Variants in CCSER1 observed in about 807,000 individuals in gnomAD.
CCSER1 encodes the protein coiled-coil serine rich protein 1.
A neutral mutation model predicts 82.0 loss-of-function variants in CCSER1; 41 were observed. That is an observed-to-expected ratio of 0.50 (90% confidence interval 0.39 to 0.65). CCSER1 has a LOEUF of 0.65. Ranked by LOEUF, CCSER1 falls within the 30% of genes least tolerant of loss-of-function variation. The pLI, the probability that CCSER1 is intolerant of heterozygous loss-of-function variation, is 0.00. For synonymous variants in CCSER1, 414 were observed against 383.9 expected (o/e 1.08, Z -0.92); for missense variants, 1,119 against 1,064.2 (o/e 1.05, Z -0.72).
intron 10 of CCSER1, among the ~76,000 whole-genome samples, chr4:91,144,609 TC>T (rs1343021989): frequency 6.6e-6 from 1 of 151,848 alleles, no homozygotes; most frequent in Non-Finnish European, 1.5e-5. Flanking sequence ...CTATAACCTG[TC>T]CTCTTAAAGC....
chr4:90,884,965 C>T (rs1401415405), intron 8 of CCSER1, among the ~76,000 whole-genome samples: 1 of 152,002 alleles, frequency 6.6e-6, no homozygotes, highest in East Asian at 1.9e-4. Context: ...TGATCTTTGT[C>T]CTTTAAATTC....
intron 10 of CCSER1, among the ~76,000 whole-genome samples, chr4:91,350,636 T>C (rs1462409790): frequency 6.6e-6 from 1 of 152,080 alleles, no homozygotes; most frequent in African/African-American, 2.4e-5. Flanking sequence ...TTGAATACTT[T>C]TGCAGTTTAA....
intron 6 of CCSER1, among the ~76,000 whole-genome samples, chr4:90,656,017 T>C (rs752354817): frequency 2.6e-5 from 4 of 151,980 alleles, no homozygotes; most frequent in Admixed American, 6.6e-5. Context: ...AATAATTTAA[T>C]TTCTTTCATT....
chr4:91,479,795 GGTTA>G (rs1191482931), intron 10 of CCSER1, among the ~76,000 whole-genome samples: 4 of 141,596 alleles, frequency 2.8e-5, no homozygotes, highest in African/African-American at 1.1e-4. Context: ...ACATTGTGCA[GGTTA>G]GTTACATATG....
At chr4:91,172,717 G>C (rs534508519) in intron 10 of CCSER1, among the ~76,000 whole-genome samples, 3 of 152,066 alleles carry the variant, frequency 2.0e-5, no homozygotes, top group Non-Finnish European at 4.4e-5. Context: ...TTTCATCCAG[G>C]GGTTTTCCTC....
intron 5 of CCSER1, among the ~76,000 whole-genome samples, chr4:90,587,294 C>G (rs1174147022): frequency 6.6e-6 from 1 of 152,134 alleles, no homozygotes; most frequent in East Asian, 1.9e-4. Flanking sequence ...TTGTAGAACT[C>G]TATTATAGCA....
intron 9 of CCSER1, among the ~76,000 whole-genome samples, chr4:90,928,579 G>T (rs1448758395): frequency 6.6e-6 from 1 of 152,026 alleles, no homozygotes; most frequent in Non-Finnish European, 1.5e-5. Flanking sequence ...AAAGCAATGT[G>T]AAAAATAAAA....
At chr4:90,232,399 C>G (rs1744782343) in intron 1 of CCSER1, among the ~76,000 whole-genome samples, 2 of 152,146 alleles carry the variant, frequency 1.3e-5, no homozygotes, top group Admixed American at 6.6e-5. Flanking sequence ...ATAAATGGTG[C>G]TAGGAAAACT....
At chr4:91,094,925 G>A (rs543464509) in intron 10 of CCSER1, among the ~76,000 whole-genome samples, 2 of 152,234 alleles carry the variant, frequency 1.3e-5, no homozygotes, top group Admixed American at 6.5e-5. Context: ...CCCTAAAAAG[G>A]CAAGGGGCAA....
intron 4 of CCSER1, among the ~76,000 whole-genome samples, chr4:90,425,001 C>T (rs1757328589): frequency 6.6e-6 from 1 of 152,074 alleles, no homozygotes; most frequent in African/African-American, 2.4e-5. Flanking sequence ...TTGTTTTAGT[C>T]TTTATTCAGG....
intron 8 of CCSER1, among the ~76,000 whole-genome samples, chr4:90,916,115 A>G (rs573449259): frequency 6.6e-4 from 101 of 152,312 alleles, no homozygotes; most frequent in Non-Finnish European, 1.3e-3. Flanking sequence ...ATTCAATGCC[A>G]TCCCCATCAA....
intron 3 of CCSER1, among the ~76,000 whole-genome samples, chr4:90,350,805 C>G (rs1040066306): frequency 5.3e-5 from 8 of 152,016 alleles, no homozygotes; most frequent in African/African-American, 1.9e-4. Context: ...CAACCATATT[C>G]TCTGATAAAA....
At chr4:91,385,224 T>A (rs1751208083) in intron 10 of CCSER1, among the ~76,000 whole-genome samples, 1 of 151,564 alleles carries the variant, frequency 6.6e-6, no homozygotes, top group Non-Finnish European at 1.5e-5. Context: ...TACAATGGAG[T>A]ATTAAGCATC....
chr4:91,491,019 CCATT>C (rs1758512558), intron 10 of CCSER1, among the ~76,000 whole-genome samples: 1 of 145,278 alleles, frequency 6.9e-6, no homozygotes, highest in African/African-American at 2.5e-5. Context: ...AGTGTTACAT[CCATT>C]ATCTAATTTA....
chr4:90,886,402 T>G (rs1170162545), intron 8 of CCSER1, among the ~76,000 whole-genome samples: 1 of 152,166 alleles, frequency 6.6e-6, no homozygotes, highest in Non-Finnish European at 1.5e-5. Context: ...ATTATCAGCC[T>G]AAGTGAGCTA....
chr4:91,447,088 C>T (rs1369605442), intron 10 of CCSER1, among the ~76,000 whole-genome samples: 16 of 152,004 alleles, frequency 1.1e-4, no homozygotes, highest in Non-Finnish European at 2.4e-4. Flanking sequence ...TTAGCTCTTC[C>T]TAACTTCCAT....
At chr4:90,780,408 TA>T in intron 7 of CCSER1, 1 of 1,598,568 alleles carries the variant, frequency 6.3e-7, no homozygotes, top group Non-Finnish European at 8.5e-7. Flanking sequence ...TGGTAGAATA[TA>T]AGGACTGTTA....
chr4:91,241,081 TG>T (rs1381662556), intron 10 of CCSER1, among the ~76,000 whole-genome samples: 2 of 18,568 alleles, frequency 1.1e-4, no homozygotes, highest in African/African-American at 6.7e-4. Flanking sequence ...TGCTTTTCTG[TG>T]CATGTCACTG....
In CCSER1 at chr4:90,888,355, C is replaced by T. The variant is rs534986865; in HGVS notation, c.2095-35015C>T. ...TATTCTACTCTTTATGCTTTAATAT[C>T]GAGTACCCTTCCTTGATTTAAATAT... On this transcript the variant is annotated intron_variant, in intron 8 of 10. Coordinates refer to ENST00000509176, the MANE Select transcript of CCSER1 (RefSeq NM_001145065.2). Among the ~76,000 whole-genome samples the T allele has an allele frequency of 6.6e-5, 10 of 152,126 alleles. No homozygotes were observed. The East Asian group carries it at 9.7e-4, about 15-fold the overall frequency.
Sources: allele counts gnomAD v4.1 joint callset (sites outside exome capture counted in the v4.1 genomes callset), GRCh38; gene constraint gnomAD v4.1.1; transcripts MANE v1.5; gene names NCBI Gene and HGNC (gene_info 2026-07-23, HGNC 2026-07-21).